MPDZ: variants seen among roughly 807,000 people sequenced by gnomAD.
The protein encoded by MPDZ is multiple PDZ domain protein.
Under a neutral mutation model 239.1 loss-of-function variants are expected in MPDZ, and 234 were observed. That is an observed-to-expected ratio of 0.98 (90% CI 0.88 to 1.09). MPDZ has a LOEUF of 1.09. Among genes scored for constraint, MPDZ ranks in the 50% least tolerant of loss-of-function variants. The probability of loss-of-function intolerance (pLI) is 0.00; values close to 1 mark genes in which losing one functional copy is unlikely to be tolerated. For missense variants in MPDZ, 3,175 were observed against 2,510.0 expected (o/e 1.26, Z -5.66); for synonymous variants, 1,048 against 881.3 (o/e 1.19, Z -3.35).
chr9:13,200,139 G>C (rs1458542739), intron 12 of MPDZ, among the ~76,000 whole-genome samples: 2 of 151,716 alleles, frequency 1.3e-5, no homozygotes, highest in African/African-American at 4.8e-5. Context: ...GTCCGTTCAA[G>C]TTTTCTATTT....
intron 18 of MPDZ, among the ~76,000 whole-genome samples, chr9:13,185,079 G>C (rs1261985322): frequency 6.6e-6 from 1 of 151,822 alleles, no homozygotes; most frequent in East Asian, 1.9e-4. Context: ...GCTATGGCTG[G>C]GTACTATTTA....
At chr9:13,215,166 T>C (rs935013687) in intron 10 of MPDZ, among the ~76,000 whole-genome samples, 2 of 151,932 alleles carry the variant, frequency 1.3e-5, no homozygotes, top group African/African-American at 2.4e-5. Flanking sequence ...ATCTACTTTG[T>C]GTTTCTATAA....
chr9:13,276,043 T>C (rs1476455408), intron 1 of MPDZ, among the ~76,000 whole-genome samples: 1 of 152,228 alleles, frequency 6.6e-6, no homozygotes, highest in Non-Finnish European at 1.5e-5. Flanking sequence ...TTTCCTAGAA[T>C]CCCTGTAACA....
chr9:13,110,445 T>C lies in MPDZ; in HGVS notation c.5829+191A>G, dbSNP rs543063881. 3.3e-5 allele frequency among the ~76,000 whole-genome samples: 5 copies of C among 152,298 alleles called. No homozygotes were observed. The South Asian group carries it at 1.0e-3, about 32-fold the overall frequency. The stretch of plus-strand genomic sequence containing the variant: ...CTTAAAGTATAAAACAATCAATGCA[T>C]CAGAGTAAAATGTTACAAAATATGT... On this transcript the variant is annotated intron_variant, in intron 44 of 46. Coordinates refer to ENST00000319217, the MANE Select transcript of MPDZ (RefSeq NM_001378778.1).
intron 23 of MPDZ, 94 bp from the exon 24 acceptor site, chr9:13,158,204 G>C (rs1049110816): frequency 3.6e-5 from 34 of 942,944 alleles, no homozygotes; most frequent in East Asian, 2.6e-4. Context: ...AAAAATGCAG[G>C]ACTGTTTTAT....
intron 10 of MPDZ, 113 bp from the exon 11 acceptor site, chr9:13,206,212 G>A (rs1956975851): frequency 1.0e-6 from 1 of 964,300 alleles, no homozygotes; most frequent in Non-Finnish European, 1.5e-6. Flanking sequence ...TGGAGAATAA[G>A]TATTCACCTT....
chr9:13,190,105 T>C lies in MPDZ; in HGVS notation c.2154+9A>G, dbSNP rs572872037. On this transcript the variant is annotated intron_variant, in intron 16 of 46. Coordinates refer to ENST00000319217, the MANE Select transcript of MPDZ (RefSeq NM_001378778.1). ...CCTTTAAAAATTGTTAAAAGTAGTA[T>C]ATACTTACCTGATAATCTAAAATGC... The C allele has an allele frequency of 2.0e-5, 32 of 1,608,138 alleles. No individual in the cohort carries two copies. In the Admixed American group the frequency reaches 4.0e-4, roughly 20 times the overall value.
Position 13,270,387 on chromosome 9 carries a change from C to A in MPDZ, c.-58+9013G>T, listed in dbSNP as rs1972699779. 2.6e-5 allele frequency among the ~76,000 whole-genome samples: 4 copies of A among 152,240 alleles called. No individual in the cohort carries two copies. In the South Asian group the frequency reaches 8.3e-4, roughly 32 times the overall value. ...ATAACAGAATGAAGACATCTTATTT[C>A]TTGATTTCATCTGACCTTATAGCTT... On this transcript the variant is annotated intron_variant, in intron 1 of 46. Coordinates refer to ENST00000319217, the MANE Select transcript of MPDZ (RefSeq NM_001378778.1).
chr9:13,126,559 A>T lies in MPDZ; in HGVS notation c.4589T>A (p.Leu1530Gln), dbSNP rs1945147275. ...AACAACAATTTCATCATCTACAGCC[A>T]GTATCTGATCTCCGACTTTGAGTCG... is the stretch of plus-strand genomic sequence containing the variant. ...DGRLKVGDQI[L>Q]AVDDEIVVGY... Residue 1530 changes from leucine to glutamine, a missense_variant, in exon 34 of 47, where the codon CTG (leucine) becomes CAG (glutamine). Coordinates refer to ENST00000319217, the MANE Select transcript of MPDZ (RefSeq NM_001378778.1). The T allele has an allele frequency of 6.3e-7, 1 of 1,588,298 alleles. No homozygotes were observed. The highest frequency in any genetic ancestry group is 8.6e-7 in the Non-Finnish European group (1 of 1,166,042).
At chr9:13,147,144 T>C (rs1348229364) in intron 26 of MPDZ, among the ~76,000 whole-genome samples, 1 of 152,010 alleles carries the variant, frequency 6.6e-6, no homozygotes, top group South Asian at 2.1e-4. Flanking sequence ...TAGGAGATTC[T>C]GTCTAGAGAA....
At chr9:13,168,679 T>G in intron 21 of MPDZ, 115 bp from the exon 22 acceptor site, 1 of 834,832 alleles carries the variant, frequency 1.2e-6, no homozygotes, top group Non-Finnish European at 1.8e-6. Context: ...AACATTTCAG[T>G]CAATAAAAAG....
chr9:13,134,055 T>C (rs1946398903), intron 31 of MPDZ, 151 bp from the exon 32 acceptor site: 2 of 295,638 alleles, frequency 6.8e-6, no homozygotes, highest in Non-Finnish European at 1.2e-5. Context: ...GCTATTTTAA[T>C]ACATTTATTT....
chr9:13,186,485 G>A (rs755100137), intron 17 of MPDZ, 99 bp from the exon 18 acceptor site: 20 of 776,820 alleles, frequency 2.6e-5, no homozygotes, highest in Non-Finnish European at 4.1e-5. Flanking sequence ...AGGGGGGCGA[G>A]AAGAGAAAGA....
At position 13,162,779 on chromosome 9, in the gene MPDZ, C is replaced by G; in HGVS notation, c.3271G>C (p.Ala1091Pro). 1 of 1,609,638 alleles carries G rather than the reference C, an allele frequency of 6.2e-7. No homozygotes were observed. The highest frequency in any genetic ancestry group is 1.1e-5 in the South Asian group (1 of 90,562). The part of the protein sequence containing the change: ...GPDIKITYVP[A>P]EHLEEFKISL... ...ATTTTGAACTCTTCCAAATGTTCTGCAGGCACATAAGTAATTCTGGAACAA... is the reference window on the plus strand; with the variant it reads ...ATTTTGAACTCTTCCAAATGTTCTGGAGGCACATAAGTAATTCTGGAACAA... The change falls in exon 23 of 47, where the codon GCA becomes CCA. Residue 1091 changes from alanine (A) to proline (P), a missense_variant. By Grantham distance (27) the Ala-to-Pro change is conservative. Transcript: ENST00000319217.
In MPDZ at chr9:13,123,396, G is replaced by C. The variant is rs1049507390; in HGVS notation, c.4808-98C>G. On this transcript the variant is annotated intron_variant, in intron 35 of 46. Coordinates refer to ENST00000319217, the MANE Select transcript of MPDZ (RefSeq NM_001378778.1). The stretch of plus-strand genomic sequence containing the variant: ...GATTGACTCTGAGGGATGGGGCAGA[G>C]AAATGGGCCCATGACTGTGGGAAAA... The C allele has an allele frequency of 6.2e-6, 6 of 975,572 alleles. No homozygotes were observed. The African/African-American group carries it at 9.7e-5, about 16-fold the overall frequency. 60.4% of individuals were successfully genotyped at this position (975,572 alleles called of 1,614,324 possible).
intron 38 of MPDZ, among the ~76,000 whole-genome samples, chr9:13,121,145 C>T (rs752421400): frequency 1.3e-5 from 2 of 152,138 alleles, no homozygotes; most frequent in Non-Finnish European, 2.9e-5. Flanking sequence ...CACCCGGGCC[C>T]CCTGCTTTAG....
intron 1 of MPDZ, among the ~76,000 whole-genome samples, chr9:13,257,013 A>G (rs527355150): frequency 6.6e-6 from 1 of 152,332 alleles, no homozygotes. Flanking sequence ...CTTGGAATGT[A>G]TCCCCCATGT....
In MPDZ at chr9:13,279,514, G is replaced by C. The variant is rs1166377489; in HGVS notation, c.-172C>G. 2 of 101,688 alleles carry C rather than the reference G, an allele frequency of 2.0e-5. No individual in the cohort carries two copies. Among genetic ancestry groups the C allele is most frequent in the Non-Finnish European group, 4.1e-5 (2 of 48,650 alleles). 6.3% of individuals were successfully genotyped at this position (101,688 alleles called of 1,614,324 possible). On this transcript the variant is annotated 5_prime_UTR_variant, in exon 1 of 47. Transcript: ENST00000319217. Reference sequence around the variant, plus strand: ...GCCCACGCTCACTGTCTTCTCTTCTGAAGTAACGACCCGGCGAGGAGCTTC... The same window carrying C: ...GCCCACGCTCACTGTCTTCTCTTCTCAAGTAACGACCCGGCGAGGAGCTTC...
chr9:13,176,064 T>C, intron 20 of MPDZ, 72 bp downstream of exon 20: 1 of 1,461,296 alleles, frequency 6.8e-7, no homozygotes, highest in South Asian at 1.5e-5. Flanking sequence ...AATGAAGAGA[T>C]TAGCCAGAAT....
Sources: gnomAD v4.1 joint callset for allele counts (sites outside exome capture counted in the v4.1 genomes callset) on GRCh38, gnomAD v4.1.1 for gene constraint, MANE v1.5 for transcripts, NCBI Gene and HGNC (gene_info 2026-07-23, HGNC 2026-07-21) for gene names.